Variants in EDAR observed in about 807,000 individuals in gnomAD.
The protein encoded by EDAR is ectodysplasin A receptor, also known as tumor necrosis factor receptor superfamily member EDAR.
EDAR carries 38 observed loss-of-function variants against 51.3 expected under a neutral mutation model. The ratio of observed to expected loss-of-function variants is 0.74; its 90% confidence interval spans 0.57 to 0.97. The LOEUF is 0.97. Among genes scored for constraint, EDAR ranks in the 50% least tolerant of loss-of-function variants. EDAR has a pLI of 0.00. For synonymous variants in EDAR, 227 were observed against 242.1 expected (o/e 0.94, Z 0.58); for missense variants, 528 against 595.0 (o/e 0.89, Z 1.17).
chr2:108,924,746 C>A lies in EDAR; in HGVS notation c.357-1293G>T, dbSNP rs115356077. On this transcript the variant is annotated intron_variant, in intron 4 of 11. Coordinates refer to ENST00000258443, the MANE Select transcript of EDAR (RefSeq NM_022336.4). ...ATCTTGTAAACATTAATTAACCAATCTCAAAACACCTCCCAGAGAAGCCAC... is the reference window on the plus strand; with the variant it reads ...ATCTTGTAAACATTAATTAACCAATATCAAAACACCTCCCAGAGAAGCCAC... 5.5e-3 allele frequency among the ~76,000 whole-genome samples: 833 copies of A among 152,316 alleles called. 4 individuals carry two copies. Among genetic ancestry groups the A allele is most frequent in the Non-Finnish European group, 9.1e-3 (616 of 68,030 alleles).
chr2:108,971,062 TCCGGCGAGACCGTG>T (rs1698223863), intron 1 of EDAR, among the ~76,000 whole-genome samples: 1 of 151,976 alleles, frequency 6.6e-6, no homozygotes, highest in South Asian at 2.1e-4. Context: ...AATCACAGGG[TCCGGCGAGACCGTG>T]CTCACTGGGG....
At chr2:108,954,489 G>T (rs1280771310) in intron 1 of EDAR, among the ~76,000 whole-genome samples, 2 of 152,104 alleles carry the variant, frequency 1.3e-5, no homozygotes, top group African/African-American at 2.4e-5. Context: ...CCTTGGAAAA[G>T]GCTCCCCACC....
chr2:108,923,292 C>T, intron 5 of EDAR, 76 bp downstream of exon 5: 1 of 1,450,662 alleles, frequency 6.9e-7, no homozygotes, highest in Non-Finnish European at 9.7e-7. Context: ...AGGACCGGCT[C>T]TTTCCTACAC....
At position 108,905,280 on chromosome 2, in the gene EDAR, G is replaced by C. The variant is rs1233083414; in HGVS notation, c.1024+1028C>G. Among the ~76,000 whole-genome samples, 8 of 152,146 alleles carry C rather than the reference G, an allele frequency of 5.3e-5. No homozygotes were observed. The South Asian group carries it at 1.7e-3, about 32-fold the overall frequency. On this transcript the variant is annotated intron_variant, in intron 11 of 11. Transcript: ENST00000258443. ...ACTCAACATTTTTTGGAACAGAGAA[G>C]AGCTTCCTGGTGGATGGAAGGTGAG...
At chr2:108,960,529 G>A (rs1698018290) in intron 1 of EDAR, among the ~76,000 whole-genome samples, 1 of 152,232 alleles carries the variant, frequency 6.6e-6, no homozygotes, top group Non-Finnish European at 1.5e-5. Flanking sequence ...ACCTGTCTCT[G>A]CTGCCCCGTC....
intron 4 of EDAR, among the ~76,000 whole-genome samples, chr2:108,923,656 T>C (rs927762012): frequency 6.6e-6 from 1 of 152,242 alleles, no homozygotes; most frequent in Non-Finnish European, 1.5e-5. Flanking sequence ...TTTAACAATA[T>C]TGAGCTGCCA....
intron 6 of EDAR, among the ~76,000 whole-genome samples, chr2:108,912,447 C>T (rs1044527023): frequency 6.6e-6 from 1 of 152,178 alleles, no homozygotes; most frequent in Non-Finnish European, 1.5e-5. Flanking sequence ...CCCGCCTTCA[C>T]CACCAGCACC....
chr2:108,929,564 C>G (rs1697327017), intron 3 of EDAR, among the ~76,000 whole-genome samples, 185 bp from the exon 4 acceptor site: 1 of 152,206 alleles, frequency 6.6e-6, no homozygotes, highest in African/African-American at 2.4e-5. Context: ...TGGGCTTGCC[C>G]CTCTCCTCGC....
intron 1 of EDAR, among the ~76,000 whole-genome samples, chr2:108,945,965 T>C (rs946904392): frequency 2.6e-5 from 4 of 152,190 alleles, no homozygotes; most frequent in African/African-American, 9.7e-5. Flanking sequence ...TTCCTCAAAA[T>C]AAAAGACAGT....
chr2:108,936,093 G>A (rs62151089), intron 1 of EDAR, among the ~76,000 whole-genome samples: 88 of 152,336 alleles, frequency 5.8e-4, no homozygotes, highest in South Asian at 1.2e-3. Flanking sequence ...TCCAGCCTCC[G>A]GGACTTCCCA....
chr2:108,913,562 C>G (rs991178526), intron 5 of EDAR, among the ~76,000 whole-genome samples: 1 of 152,102 alleles, frequency 6.6e-6, no homozygotes, highest in Non-Finnish European at 1.5e-5. Context: ...CCTGTAATCC[C>G]AGCACTTTGG....
chr2:108,916,698 C>T (rs1287246382), intron 5 of EDAR, among the ~76,000 whole-genome samples: 3 of 152,106 alleles, frequency 2.0e-5, no homozygotes, highest in African/African-American at 4.8e-5. Flanking sequence ...AGCACGTGTG[C>T]GCAGCCGAGG....
chr2:108,957,710 C>T (rs942443449), intron 1 of EDAR, among the ~76,000 whole-genome samples: 6 of 152,360 alleles, frequency 3.9e-5, no homozygotes, highest in African/African-American at 7.2e-5. Context: ...GCCTACCAGG[C>T]GAGGCTAGTG....
intron 1 of EDAR, among the ~76,000 whole-genome samples, chr2:108,942,956 C>T (rs148566538): frequency 4.5e-4 from 69 of 152,332 alleles, no homozygotes; most frequent in African/African-American, 1.6e-3. Context: ...CATGCCTTCC[C>T]GGCCCCTTCG....
chr2:108,986,338 G>A (rs1698500336), intron 1 of EDAR, among the ~76,000 whole-genome samples: 1 of 152,188 alleles, frequency 6.6e-6, no homozygotes, highest in Non-Finnish European at 1.5e-5. Flanking sequence ...CAGGAGATGA[G>A]TGTGTCTGGG....
intron 11 of EDAR, among the ~76,000 whole-genome samples, chr2:108,898,058 T>A (rs1696633207): frequency 6.6e-6 from 1 of 152,146 alleles, no homozygotes; most frequent in African/African-American, 2.4e-5. Flanking sequence ...AAGTCTTCTG[T>A]CTCTAGTCAG....
chr2:108,946,873 C>A (rs1697722855), intron 1 of EDAR, among the ~76,000 whole-genome samples: 1 of 149,002 alleles, frequency 6.7e-6, no homozygotes, highest in Non-Finnish European at 1.5e-5. Context: ...CTTATTCCGC[C>A]CCTGGTCCCT....
intron 11 of EDAR, 38 bp downstream of exon 11, chr2:108,906,270 G>A (rs1696802373): frequency 6.2e-7 from 1 of 1,607,832 alleles, no homozygotes. Flanking sequence ...TGTCGGTGGG[G>A]TGGGCACCAC....
At chr2:108,975,155 C>T (rs2104454116) in intron 1 of EDAR, among the ~76,000 whole-genome samples, 1 of 152,280 alleles carries the variant, frequency 6.6e-6, no homozygotes. Flanking sequence ...CAAAGGGGAG[C>T]AAATGATGGT....
Sources: allele counts gnomAD v4.1 joint callset (sites outside exome capture counted in the v4.1 genomes callset), GRCh38; gene constraint gnomAD v4.1.1; transcripts MANE v1.5; gene names NCBI Gene and HGNC (gene_info 2026-07-23, HGNC 2026-07-21).